The following SAMD3 variants were observed in gnomAD, a reference collection of about 807,000 sequenced individuals.
SAMD3 encodes sterile alpha motif domain-containing protein 3.
In SAMD3, 63 loss-of-function variants were observed where a neutral mutation model predicts 58.5. That is an observed-to-expected ratio of 1.08 (90% CI 0.88 to 1.33). The LOEUF (loss-of-function observed/expected upper bound fraction) is 1.33. Ranked by LOEUF, SAMD3 falls within the 40% of genes most tolerant of loss-of-function variation. The pLI is 0.00. For missense variants in SAMD3, 604 were observed against 608.4 expected (o/e 0.99, Z 0.08); for synonymous variants, 220 against 210.3 (o/e 1.05, Z -0.40).
At chr6:130,258,337 ATC>A (rs1773996472) in intron 2 of SAMD3, among the ~76,000 whole-genome samples, 1 of 152,104 alleles carries the variant, frequency 6.6e-6, no homozygotes, top group Admixed American at 6.5e-5. Flanking sequence ...CAGCCTGAGA[ATC>A]TCTGTCTTTT....
chr6:130,335,908 G>A (rs7765694), intron 1 of SAMD3, among the ~76,000 whole-genome samples: 61,833 of 151,324 alleles, frequency 0.41, 13,751 homozygotes, highest in African/African-American at 0.59. Context: ...GTAAACTATC[G>A]CAAGAACAAA....
At chr6:130,194,557 T>C (rs1295204121) in intron 5 of SAMD3, among the ~76,000 whole-genome samples, 1 of 152,224 alleles carries the variant, frequency 6.6e-6, no homozygotes, top group Non-Finnish European at 1.5e-5. Context: ...AACTTCCAAA[T>C]GCCTGAACCA....
chr6:130,209,829 A>G (rs145156071), intron 4 of SAMD3, among the ~76,000 whole-genome samples: 224 of 152,350 alleles, frequency 1.5e-3, no homozygotes, highest in African/African-American at 5.2e-3. Context: ...ATGCCTGTTC[A>G]TAATGCTGTT....
Position 130,184,093 on chromosome 6 carries a change from G to A in SAMD3, c.654+10C>T, listed in dbSNP as rs1792677027. The A allele has an allele frequency of 1.9e-6, 3 of 1,607,886 alleles. No individual in the cohort carries two copies. Among genetic ancestry groups the A allele is most frequent in the Non-Finnish European group, 2.6e-6 (3 of 1,174,538 alleles). ...TGAAATTAACAGGATGGTGCCATGT[G>A]GTCACTTACGAAGCCACAGCCATCC... On this transcript the variant is annotated intron_variant, in intron 7 of 11. Transcript: ENST00000439090.
chr6:130,321,729 ATCT>A (rs1311228604), intron 1 of SAMD3, among the ~76,000 whole-genome samples: 1 of 152,146 alleles, frequency 6.6e-6, no homozygotes, highest in African/African-American at 2.4e-5. Flanking sequence ...TGAGAACAGC[ATCT>A]TATATCTAGG....
chr6:130,224,459 G>A (rs1012517329), upstream of SAMD3, among the ~76,000 whole-genome samples: 31 of 151,996 alleles, frequency 2.0e-4, no homozygotes, highest in African/African-American at 7.5e-4. Flanking sequence ...GATGGGAGGT[G>A]TGGAGACACA....
chr6:130,265,692 A>G (rs868118567), intron 2 of SAMD3, among the ~76,000 whole-genome samples: 12 of 152,150 alleles, frequency 7.9e-5, no homozygotes, highest in Non-Finnish European at 1.6e-4. Context: ...TCCCATGACC[A>G]CAGTTTTTAA....
At chr6:130,353,925 G>C (rs1777751709) in intron 1 of SAMD3, among the ~76,000 whole-genome samples, 1 of 151,832 alleles carries the variant, frequency 6.6e-6, no homozygotes, top group African/African-American at 2.4e-5. Context: ...CTATGCATCT[G>C]AAAAAAAGTC....
intron 2 of SAMD3, among the ~76,000 whole-genome samples, chr6:130,284,661 C>A (rs1168403236): frequency 1.3e-5 from 2 of 151,966 alleles, no homozygotes; most frequent in Non-Finnish European, 2.9e-5. Context: ...CATAAAATGA[C>A]TTAAAGTAAA....
At chr6:130,200,557 CAAA>C (rs11375395) in intron 5 of SAMD3, among the ~76,000 whole-genome samples, 1 of 97,230 alleles carries the variant, frequency 1.0e-5, no homozygotes, top group Non-Finnish European at 1.9e-5. Flanking sequence ...CCCCGACCCA[CAAA>C]AAAAAAAAAA....
chr6:130,288,989 T>C (rs1562501282), intron 2 of SAMD3, among the ~76,000 whole-genome samples: 2 of 152,216 alleles, frequency 1.3e-5, no homozygotes, highest in African/African-American at 4.8e-5. Context: ...TTCTATAATC[T>C]CTTATTTCAT....
At chr6:130,207,571 C>A (rs1795189932) in intron 5 of SAMD3, among the ~76,000 whole-genome samples, 1 of 152,162 alleles carries the variant, frequency 6.6e-6, no homozygotes, top group African/African-American at 2.4e-5. Context: ...GTTGAGAGCT[C>A]ATGGCTTACT....
chr6:130,231,071 G>T (rs1412045429), intron 2 of SAMD3, among the ~76,000 whole-genome samples: 1 of 152,008 alleles, frequency 6.6e-6, no homozygotes, highest in East Asian at 1.9e-4. Context: ...AACATATTTT[G>T]ATTTTAGTTA....
intron 1 of SAMD3, among the ~76,000 whole-genome samples, chr6:130,325,102 T>C (rs1776712596): frequency 6.6e-6 from 1 of 152,242 alleles, no homozygotes; most frequent in Non-Finnish European, 1.5e-5. Context: ...AGCAGGTTTT[T>C]CCTTTAGCAG....
chr6:130,154,233 TTC>T (rs574204236), intron 9 of SAMD3, among the ~76,000 whole-genome samples: 168 of 54,082 alleles, frequency 3.1e-3, no homozygotes, highest in Non-Finnish European at 5.4e-3. Flanking sequence ...GCTACTGAAA[TTC>T]TTTTTTTTTT....
At position 130,145,927 on chromosome 6, in the gene SAMD3, T is replaced by G. The variant is rs113978387; in HGVS notation, c.1195+83A>C. On this transcript the variant is annotated intron_variant, in intron 10 of 11. Coordinates refer to ENST00000439090, the MANE Select transcript of SAMD3 (RefSeq NM_001017373.4). ...ACTCAATAAATGTAAACTACTGAAT[T>G]TTACTGACTACCAAAGCATAACTTT... The G allele has an allele frequency of 2.3e-3, 1,824 of 798,550 alleles. 32 individuals carry two copies. The African/African-American group carries it at 0.029, about 13-fold the overall frequency. 49.5% of individuals were successfully genotyped at this position (798,550 alleles called of 1,614,324 possible). A position where few individuals can be genotyped will look rare whatever the true frequency, so the allele number is the denominator to read the frequency against.
At chr6:130,290,207 T>C (rs979392297) in intron 2 of SAMD3, among the ~76,000 whole-genome samples, 1 of 152,084 alleles carries the variant, frequency 6.6e-6, no homozygotes, top group African/African-American at 2.4e-5. Context: ...ACGGAATTGG[T>C]TCGTGTGATT....
At position 130,144,660 on chromosome 6, in the gene SAMD3, C is replaced by T; in HGVS notation, c.1423G>A (p.Val475Ile). Residue 475 changes from valine (V) to isoleucine (I), a missense_variant, in exon 12 of 12, where the codon GTA becomes ATA. Physicochemically the swap from Val to Ile is conservative, Grantham distance 29. Transcript: ENST00000439090. Reference sequence around the variant, plus strand: ...CTTCTTGGACACTCAATCCTAAATACATGAAAGGCAGCTACTAGCGCAGCC... The same window carrying T: ...CTTCTTGGACACTCAATCCTAAATATATGAAAGGCAGCTACTAGCGCAGCC... ...ALAALVAAFHVFRIECPRRLS... is the reference protein window; with the variant it reads ...ALAALVAAFHIFRIECPRRLS... The T allele has an allele frequency of 6.2e-7, 1 of 1,614,030 alleles. No homozygotes were observed. The highest frequency in any genetic ancestry group is 1.7e-5 in the Admixed American group (1 of 60,004).
At chr6:130,149,264 T>C (rs928651611) in intron 9 of SAMD3, among the ~76,000 whole-genome samples, 4 of 152,198 alleles carry the variant, frequency 2.6e-5, no homozygotes, top group Admixed American at 1.3e-4. Context: ...CCAACACTTA[T>C]ACACTGCTAG....
Sources: allele counts gnomAD v4.1 joint callset (sites outside exome capture counted in the v4.1 genomes callset), GRCh38; gene constraint gnomAD v4.1.1; transcripts MANE v1.5; gene names NCBI Gene and HGNC (gene_info 2026-07-23, HGNC 2026-07-21).